The following DENND1B variants were observed in gnomAD, a reference collection of about 807,000 sequenced individuals.
DENND1B encodes DENN domain-containing protein 1B.
A neutral mutation model predicts 90.1 loss-of-function variants in DENND1B; 59 were observed. That is an observed-to-expected ratio of 0.65 (90% confidence interval 0.53 to 0.81). The LOEUF (loss-of-function observed/expected upper bound fraction) is 0.81. DENND1B is among the 40% of genes least tolerant of loss of function. The pLI, the probability that DENND1B is intolerant of heterozygous loss-of-function variation, is 0.00. For synonymous variants in DENND1B, 337 were observed against 324.6 expected (o/e 1.04, Z -0.41); for missense variants, 862 against 912.6 (o/e 0.94, Z 0.71).
At chr1:197,621,984 A>T (rs1433957022) in intron 10 of DENND1B, among the ~76,000 whole-genome samples, 4 of 151,416 alleles carry the variant, frequency 2.6e-5, no homozygotes, top group South Asian at 2.1e-4. Flanking sequence ...AACATTGGTA[A>T]TACTGATTTA....
chr1:197,548,457 G>T (rs1169540958), intron 16 of DENND1B, among the ~76,000 whole-genome samples: 1 of 152,150 alleles, frequency 6.6e-6, no homozygotes, highest in African/African-American at 2.4e-5. Flanking sequence ...GGATTATTGT[G>T]AGGATGAAAG....
chr1:197,647,681 G>A (rs948809534), intron 7 of DENND1B, among the ~76,000 whole-genome samples: 4 of 152,150 alleles, frequency 2.6e-5, no homozygotes, highest in Admixed American at 2.0e-4. Context: ...AGATGCAGTG[G>A]CTCACGCCTG....
intron 2 of DENND1B, chr1:197,747,034 A>G: frequency 3.7e-6 from 3 of 819,708 alleles, no homozygotes; most frequent in East Asian, 4.9e-5. Context: ...ATGGCGTTCA[A>G]ATCAATCATT....
chr1:197,689,677 A>G (rs187389790), intron 3 of DENND1B: 104 of 158,916 alleles, frequency 6.5e-4, no homozygotes, highest in Non-Finnish European at 1.2e-3. Flanking sequence ...CACCCATATT[A>G]AGAAAACTGG....
chr1:197,597,211 C>A (rs1370097560), intron 13 of DENND1B, among the ~76,000 whole-genome samples: 1 of 151,646 alleles, frequency 6.6e-6, no homozygotes, highest in Non-Finnish European at 1.5e-5. Flanking sequence ...ATAATAATTA[C>A]AAAAATAAAT....
At chr1:197,758,243 C>G (rs988150075) in intron 2 of DENND1B, among the ~76,000 whole-genome samples, 1 of 152,182 alleles carries the variant, frequency 6.6e-6, no homozygotes, top group East Asian at 1.9e-4. Context: ...TACCAAAATA[C>G]GTGTCTTCTA....
At chr1:197,540,425 A>G (rs759565489) in intron 19 of DENND1B, among the ~76,000 whole-genome samples, 11 of 152,076 alleles carry the variant, frequency 7.2e-5, no homozygotes, top group Non-Finnish European at 1.6e-4. Flanking sequence ...TAAAAATTCA[A>G]AACATAACTG....
At chr1:197,649,522 C>T (rs1652876831) in intron 7 of DENND1B, among the ~76,000 whole-genome samples, 1 of 152,106 alleles carries the variant, frequency 6.6e-6, no homozygotes, top group Non-Finnish European at 1.5e-5. Flanking sequence ...GCTCAAGACA[C>T]ATGGACCAAT....
At chr1:197,737,544 AT>A (rs11357179) in intron 2 of DENND1B, among the ~76,000 whole-genome samples, 3,715 of 152,134 alleles carry the variant, frequency 0.024, 163 homozygotes, top group African/African-American at 0.08. Flanking sequence ...AAACAAGGAG[AT>A]TTTTTGCACT....
chr1:197,733,080 A>T (rs1252144527), intron 2 of DENND1B, among the ~76,000 whole-genome samples: 5 of 152,212 alleles, frequency 3.3e-5, no homozygotes, highest in Non-Finnish European at 7.4e-5. Context: ...AAAAACAATG[A>T]AGAAAAAGGA....
At chr1:197,592,277 T>C (rs8179369) in intron 14 of DENND1B, among the ~76,000 whole-genome samples, 120,662 of 151,932 alleles carry the variant, frequency 0.79, 48,059 homozygotes, top group East Asian at 0.87. Flanking sequence ...GAGTATCATT[T>C]TCCTCATCTT....
chr1:197,702,685 G>T (rs1571418080), intron 3 of DENND1B, among the ~76,000 whole-genome samples: 1 of 152,112 alleles, frequency 6.6e-6, no homozygotes, highest in Admixed American at 6.5e-5. Context: ...TAACAAATGT[G>T]TTCACTTTTC....
chr1:197,515,659 C>T (rs1476819742), intron 20 of DENND1B, among the ~76,000 whole-genome samples: 1 of 151,794 alleles, frequency 6.6e-6, no homozygotes, highest in Non-Finnish European at 1.5e-5. Flanking sequence ...ATAATACATA[C>T]TCAACAGTGT....
intron 15 of DENND1B, among the ~76,000 whole-genome samples, chr1:197,556,891 GTCTT>G (rs1671764907): frequency 6.6e-6 from 1 of 151,908 alleles, no homozygotes; most frequent in Non-Finnish European, 1.5e-5. Flanking sequence ...AAGGATCACT[GTCTT>G]TCACATGTAT....
chr1:197,678,137 C>G (rs1656281416), intron 3 of DENND1B, among the ~76,000 whole-genome samples: 1 of 152,152 alleles, frequency 6.6e-6, no homozygotes, highest in African/African-American at 2.4e-5. Flanking sequence ...CTCAGTTTAG[C>G]CTTAGACTAG....
At chr1:197,649,005 A>T (rs1475867773) in intron 7 of DENND1B, among the ~76,000 whole-genome samples, 2 of 152,228 alleles carry the variant, frequency 1.3e-5, no homozygotes, top group Non-Finnish European at 2.9e-5. Context: ...AGATGCAAAC[A>T]TAAAGCAGCA....
At chr1:197,637,946 G>A (rs760809527) in intron 10 of DENND1B, among the ~76,000 whole-genome samples, 8 of 152,014 alleles carry the variant, frequency 5.3e-5, no homozygotes, top group East Asian at 1.9e-4. Context: ...TCTGCACTTC[G>A]GGTTTCAGAT....
intron 16 of DENND1B, among the ~76,000 whole-genome samples, chr1:197,548,999 A>T (rs1341647994): frequency 6.6e-6 from 1 of 152,148 alleles, no homozygotes; most frequent in Non-Finnish European, 1.5e-5. Context: ...AATATTTATG[A>T]GAAAAGTACA....
chr1:197,655,268 A>C (rs1193610762), intron 6 of DENND1B, among the ~76,000 whole-genome samples: 1 of 152,190 alleles, frequency 6.6e-6, no homozygotes, highest in Non-Finnish European at 1.5e-5. Flanking sequence ...AGAGCCAAAA[A>C]CTGAATATTA....
Sources: allele counts gnomAD v4.1 joint callset (sites outside exome capture counted in the v4.1 genomes callset), GRCh38; gene constraint gnomAD v4.1.1; transcripts MANE v1.5; gene names NCBI Gene and HGNC (gene_info 2026-07-23, HGNC 2026-07-21).